The following ZNF423 variants were observed in gnomAD, a reference collection of about 807,000 sequenced individuals.
ZNF423 encodes Ebf-associated zinc finger protein.
Under a neutral mutation model 95.8 loss-of-function variants are expected in ZNF423, and 12 were observed. The ratio of observed to expected loss-of-function variants is 0.13; its 90% CI spans 0.08 to 0.20. ZNF423 has a LOEUF of 0.20. Ranked by LOEUF, ZNF423 falls within the 10% of genes least tolerant of loss-of-function variation. The probability of loss-of-function intolerance (pLI) is 1.00; values close to 1 mark genes in which losing one functional copy is unlikely to be tolerated. For missense variants in ZNF423, 1,316 were observed against 1,737.1 expected, an observed-to-expected ratio of 0.76 and a Z score of 4.31; for synonymous variants, 749 against 711.9, an observed-to-expected ratio of 1.05 and a Z score of -0.83.
Position 49,627,770 on chromosome 16 carries a change from C to G in ZNF423, c.3517-1516G>C, listed in dbSNP as rs572074896. On this transcript the variant is annotated intron_variant, in intron 4 of 7. Transcript: ENST00000563137. ...TCCATCTACATAAACACCCACCCAC[C>G]CATCCACCCATCTACATACATTCCC... Among the ~76,000 whole-genome samples, 26 of 151,086 alleles carry G rather than the reference C, an allele frequency of 1.7e-4. No individual in the cohort carries two copies. In the South Asian group the frequency reaches 5.5e-3, roughly 32 times the overall value.
intron 2 of ZNF423, among the ~76,000 whole-genome samples, chr16:49,775,142 G>C: frequency 6.6e-6 from 1 of 152,108 alleles, no homozygotes; most frequent in Non-Finnish European, 1.5e-5. Context: ...ATTTTTCCAG[G>C]GTCAATTGAA....
intron 3 of ZNF423, among the ~76,000 whole-genome samples, chr16:49,708,439 A>G (rs2032432280): frequency 6.6e-6 from 1 of 152,006 alleles, no homozygotes; most frequent in Non-Finnish European, 1.5e-5. Flanking sequence ...GGTGTGTGCC[A>G]CCATGTCCAG....
chr16:49,491,981 A>T (rs1420290530), intron 7 of ZNF423, among the ~76,000 whole-genome samples: 1 of 152,154 alleles, frequency 6.6e-6, no homozygotes, highest in Non-Finnish European at 1.5e-5. Context: ...GACTCAGTGC[A>T]GTTTGGCCGA....
At chr16:49,739,477 G>A (rs978164997) in intron 2 of ZNF423, among the ~76,000 whole-genome samples, 1 of 152,080 alleles carries the variant, frequency 6.6e-6, no homozygotes, top group African/African-American at 2.4e-5. Context: ...GAAAGTCCTG[G>A]GTCCAAGTGT....
intron 2 of ZNF423, among the ~76,000 whole-genome samples, chr16:49,777,271 A>T (rs1043339910): frequency 6.6e-6 from 1 of 152,202 alleles, no homozygotes; most frequent in African/African-American, 2.4e-5. Flanking sequence ...GTGTGTGTTT[A>T]CATGTGCATG....
chr16:49,750,595 A>T (rs1046059032), intron 2 of ZNF423, among the ~76,000 whole-genome samples: 1 of 152,228 alleles, frequency 6.6e-6, no homozygotes, highest in Non-Finnish European at 1.5e-5. Flanking sequence ...GCACTCACAA[A>T]ACACTCACGG....
intron 3 of ZNF423, chr16:49,640,784 A>T (rs1468795948): frequency 6.6e-6 from 1 of 152,056 alleles, no homozygotes. Context: ...CTCCTGGAAC[A>T]CCCTCCCAGA....
intron 1 of ZNF423, among the ~76,000 whole-genome samples, chr16:49,807,830 C>T (rs979808802): frequency 3.9e-5 from 6 of 152,218 alleles, no homozygotes; most frequent in Non-Finnish European, 8.8e-5. Context: ...TGCCTGGGCA[C>T]AGGCTCCAGA....
At chr16:49,853,693 G>T (rs2035326497) in intron 1 of ZNF423, 2 of 985,260 alleles carry the variant, frequency 2.0e-6, no homozygotes, top group Non-Finnish European at 2.4e-6. Context: ...TCATTTCAAG[G>T]CTCATTTCAT....
chr16:49,850,727 G>A (rs2035293783), intron 1 of ZNF423, among the ~76,000 whole-genome samples: 1 of 152,298 alleles, frequency 6.6e-6, no homozygotes, highest in South Asian at 2.1e-4. Flanking sequence ...GCTTACTTTC[G>A]AGACAGTTTC....
chr16:49,701,323 G>A (rs1388293507), intron 3 of ZNF423, among the ~76,000 whole-genome samples: 1 of 152,216 alleles, frequency 6.6e-6, no homozygotes, highest in East Asian at 1.9e-4. Flanking sequence ...GCAGCAAAAT[G>A]CTTGCAAAAA....
intron 5 of ZNF423, among the ~76,000 whole-genome samples, chr16:49,556,068 C>A (rs1969816841): frequency 6.6e-6 from 1 of 152,164 alleles, no homozygotes; most frequent in Non-Finnish European, 1.5e-5. Flanking sequence ...GGAATTATTT[C>A]CACTCAACCC....
intron 1 of ZNF423, among the ~76,000 whole-genome samples, chr16:49,796,025 G>A (rs947992350): frequency 1.3e-5 from 2 of 152,140 alleles, no homozygotes; most frequent in African/African-American, 4.8e-5. Flanking sequence ...GGTTCCTGGG[G>A]TGCATTAAGA....
chr16:49,756,860 G>A (rs777153614), intron 2 of ZNF423, among the ~76,000 whole-genome samples: 13 of 152,198 alleles, frequency 8.5e-5, no homozygotes, highest in Non-Finnish European at 1.3e-4. Flanking sequence ...CAGCATGCGC[G>A]GGGAGGGGCA....
At chr16:49,562,497 A>G (rs1970051222) in intron 5 of ZNF423, among the ~76,000 whole-genome samples, 1 of 152,218 alleles carries the variant, frequency 6.6e-6, no homozygotes, top group Non-Finnish European at 1.5e-5. Flanking sequence ...GTCTATACTG[A>G]AGAAGCCAGG....
In ZNF423 at chr16:49,728,795, T is replaced by C. The variant is rs188417539; in HGVS notation, c.301+1976A>G. Among the ~76,000 whole-genome samples, 1,024 of 152,276 alleles carry C rather than the reference T, an allele frequency of 6.7e-3. 8 individuals carry two copies. The highest frequency in any genetic ancestry group is 0.024 in the African/African-American group (982 of 41,546). On this transcript the variant is annotated intron_variant, in intron 3 of 7. Coordinates refer to ENST00000563137, the MANE Select transcript of ZNF423 (RefSeq NM_001379286.1). ...TCACCCAGGCCAGAGTGCAGTGGCATGATCTTGGCTCACCGCAACCTCCAT... is the reference window on the plus strand; with the variant it reads ...TCACCCAGGCCAGAGTGCAGTGGCACGATCTTGGCTCACCGCAACCTCCAT...
intron 1 of ZNF423, among the ~76,000 whole-genome samples, chr16:49,809,616 T>C (rs1331236362): frequency 6.6e-6 from 1 of 152,200 alleles, no homozygotes; most frequent in African/African-American, 2.4e-5. Context: ...GCTCTGCACC[T>C]GCGAGAACAG....
chr16:49,681,828 C>A (rs1198306663), intron 3 of ZNF423, among the ~76,000 whole-genome samples: 1 of 152,114 alleles, frequency 6.6e-6, no homozygotes. Context: ...TGCAGCGATG[C>A]AATCATGGTT....
intron 1 of ZNF423, among the ~76,000 whole-genome samples, chr16:49,795,920 C>A (rs1456368642): frequency 1.3e-5 from 2 of 152,166 alleles, no homozygotes; most frequent in Non-Finnish European, 2.9e-5. Flanking sequence ...AGATCCTCAA[C>A]AATGGACAAG....
Sources: gnomAD v4.1 joint callset for allele counts (sites outside exome capture counted in the v4.1 genomes callset) on GRCh38, gnomAD v4.1.1 for gene constraint, MANE v1.5 for transcripts, NCBI Gene and HGNC (gene_info 2026-07-23, HGNC 2026-07-21) for gene names.